PAK2: variants seen among roughly 807,000 people sequenced by gnomAD.
PAK2 encodes the protein serine/threonine-protein kinase PAK 2.
In PAK2, 21 loss-of-function variants were observed where a neutral mutation model predicts 65.9. That is an observed-to-expected ratio of 0.32 (90% CI 0.23 to 0.46). PAK2 has a LOEUF of 0.46. PAK2 is among the 20% of genes least tolerant of loss of function. PAK2 has a pLI of 1.00. For synonymous variants in PAK2, 204 were observed against 219.7 expected, an observed-to-expected ratio of 0.93 and a Z score of 0.63; for missense variants, 324 against 642.6, an observed-to-expected ratio of 0.50 and a Z score of 5.36.
chr3:196,743,742 C>T (rs143173842), intron 1 of PAK2, among the ~76,000 whole-genome samples: 2,321 of 151,288 alleles, frequency 0.015, 102 homozygotes, highest in Admixed American at 0.097. Flanking sequence ...ATTAGCTGGG[C>T]GTGGTGGCGG....
chr3:196,762,547 G>A (rs978824874), intron 1 of PAK2, among the ~76,000 whole-genome samples: 4 of 150,458 alleles, frequency 2.7e-5, no homozygotes, highest in South Asian at 4.2e-4. Context: ...CCAGTCAGGC[G>A]TGGCGGCGCA....
intron 9 of PAK2, 135 bp from the exon 10 acceptor site, chr3:196,812,604 A>G: frequency 1.7e-6 from 1 of 601,772 alleles, no homozygotes; most frequent in South Asian, 2.1e-5. Flanking sequence ...GGCAGTGTGC[A>G]AGGCAAGGTG....
intron 13 of PAK2, among the ~76,000 whole-genome samples, chr3:196,826,414 G>A (rs576727003): frequency 4.2e-3 from 642 of 151,502 alleles, no homozygotes; most frequent in Non-Finnish European, 7.2e-3. Context: ...CCTCGTGACC[G>A]GCCCGCCTTA....
At chr3:196,817,526 T>C (rs62410760) in intron 11 of PAK2, among the ~76,000 whole-genome samples, 19,743 of 150,954 alleles carry the variant, frequency 0.13, 1,581 homozygotes, top group Non-Finnish European at 0.18. Context: ...GTTTTCTTTG[T>C]ATTTTTAGCA....
rs1288324544 is a variant in PAK2 at position 196,831,723 on chromosome 3, AC to A, written c.*3319del. ...AGGTAGTAGCTAAAATTAGAAAAAAACAAAATAGATGCTTAAAGAATTTGCA... is the reference window on the plus strand; with the variant it reads ...AGGTAGTAGCTAAAATTAGAAAAAAAAAAATAGATGCTTAAAGAATTTGCA... On this transcript the variant is annotated 3_prime_UTR_variant, in exon 15 of 15. Transcript: ENST00000327134. 1 of 152,234 alleles carries A rather than the reference AC, an allele frequency of 6.6e-6. No individual in the cohort carries two copies. Among genetic ancestry groups the A allele is most frequent in the African/African-American group, 2.4e-5 (1 of 41,458 alleles). The allele number at this position is 152,234 out of a possible 1,614,324, so 9.4% of individuals were successfully genotyped here.
intron 2 of PAK2, among the ~76,000 whole-genome samples, chr3:196,794,970 A>T (rs560370174): frequency 6.6e-6 from 1 of 152,310 alleles, no homozygotes; most frequent in African/African-American, 2.4e-5. Context: ...CAACAGGTAA[A>T]TTACAGAGAC....
intron 2 of PAK2, among the ~76,000 whole-genome samples, chr3:196,787,884 A>G (rs186651132): frequency 2.8e-4 from 43 of 152,362 alleles, no homozygotes; most frequent in Admixed American, 2.5e-3. Flanking sequence ...GGCATTAGGA[A>G]TGAGGGAGAA....
chr3:196,742,013 T>TTA (rs1713208948), intron 1 of PAK2, among the ~76,000 whole-genome samples: 1 of 152,174 alleles, frequency 6.6e-6, no homozygotes, highest in African/African-American at 2.4e-5. Context: ...AAAATTAAGT[T>TTA]TATAGTTCGA....
Position 196,829,839 on chromosome 3 carries a change from T to C in PAK2, c.*1434T>C, listed in dbSNP as rs1164415132. 1 of 152,212 alleles carries C rather than the reference T, an allele frequency of 6.6e-6. No individual in the cohort carries two copies. Among genetic ancestry groups the C allele is most frequent in the Non-Finnish European group, 1.5e-5 (1 of 68,040 alleles). 9.4% of individuals were successfully genotyped at this position (152,212 alleles called of 1,614,324 possible). On this transcript the variant is annotated 3_prime_UTR_variant, in exon 15 of 15. Coordinates refer to ENST00000327134, the MANE Select transcript of PAK2 (RefSeq NM_002577.4). Reference sequence around the variant, plus strand: ...GTTGATAGCAATAATTTGTTTCTTTTAAAGATTCTAAAAGGTCTGAGACCT... The same window carrying C: ...GTTGATAGCAATAATTTGTTTCTTTCAAAGATTCTAAAAGGTCTGAGACCT...
Position 196,806,576 on chromosome 3 carries a change from C to A in PAK2, c.469-3C>A, listed in dbSNP as rs761178315. ...TTCCTTACTTTGCTCATCATCAATG[C>A]AGCTGAATGCCAAGGGAACAGAAGC... On this transcript the variant is annotated splice_polypyrimidine_tract_variant and splice_region_variant and intron_variant, in intron 5 of 14. Transcript: ENST00000327134. 2 of 1,578,456 alleles carry A rather than the reference C, an allele frequency of 1.3e-6. No homozygotes were observed. Among genetic ancestry groups the A allele is most frequent in the Non-Finnish European group, 1.7e-6 (2 of 1,147,746 alleles).
At chr3:196,787,316 T>TA (rs1448755306) in intron 2 of PAK2, among the ~76,000 whole-genome samples, 1 of 152,000 alleles carries the variant, frequency 6.6e-6, no homozygotes, top group Non-Finnish European at 1.5e-5. Flanking sequence ...CACCGTGGCT[T>TA]ATGCCTGTAA....
chr3:196,797,765 T>TA (rs921927887), intron 2 of PAK2, among the ~76,000 whole-genome samples: 1 of 151,532 alleles, frequency 6.6e-6, no homozygotes, highest in African/African-American at 2.4e-5. Flanking sequence ...AAAAATAAAA[T>TA]AAATAAAGGA....
chr3:196,805,023 T>C (rs1715543210), intron 4 of PAK2, among the ~76,000 whole-genome samples: 1 of 152,076 alleles, frequency 6.6e-6, no homozygotes, highest in South Asian at 2.1e-4. Context: ...TTTGTTTTGT[T>C]TTAATAAATA....
At chr3:196,762,048 C>T (rs2108721181) in intron 1 of PAK2, among the ~76,000 whole-genome samples, 1 of 141,726 alleles carries the variant, frequency 7.1e-6, no homozygotes, top group South Asian at 2.3e-4. Flanking sequence ...ACGCTCCTCA[C>T]CTCCCAGACG....
chr3:196,789,688 C>T (rs1161614462), intron 2 of PAK2, among the ~76,000 whole-genome samples: 1 of 152,140 alleles, frequency 6.6e-6, no homozygotes, highest in African/African-American at 2.4e-5. Context: ...TGGTCTCGAA[C>T]TCCTGACCTC....
chr3:196,752,125 C>T (rs1477310743), intron 1 of PAK2, among the ~76,000 whole-genome samples: 1 of 152,138 alleles, frequency 6.6e-6, no homozygotes, highest in African/African-American at 2.4e-5. Flanking sequence ...TATTAGAACT[C>T]TGAGACAGTT....
intron 1 of PAK2, among the ~76,000 whole-genome samples, chr3:196,746,121 C>A (rs1713370069): frequency 6.6e-6 from 1 of 152,066 alleles, no homozygotes; most frequent in Non-Finnish European, 1.5e-5. Context: ...CCGTGCCCAG[C>A]CCTTAACCCT....
chr3:196,762,102 C>T (rs1713995648), intron 1 of PAK2, among the ~76,000 whole-genome samples: 1 of 130,666 alleles, frequency 7.7e-6, no homozygotes, highest in Non-Finnish European at 1.7e-5. Flanking sequence ...CCAGATGGGG[C>T]GGCGGGGCAG....
At chr3:196,814,239 G>A (rs989174873) in intron 10 of PAK2, among the ~76,000 whole-genome samples, 5 of 152,084 alleles carry the variant, frequency 3.3e-5, no homozygotes, top group Admixed American at 1.3e-4. Flanking sequence ...CTACAGTTGT[G>A]GGCAAACTGT....
Sources: allele counts gnomAD v4.1 joint callset (sites outside exome capture counted in the v4.1 genomes callset), GRCh38; gene constraint gnomAD v4.1.1; transcripts MANE v1.5; gene names NCBI Gene and HGNC (gene_info 2026-07-23, HGNC 2026-07-21).